PAN3: variants seen among roughly 807,000 people sequenced by gnomAD.
PAN3 encodes the protein PAN2-PAN3 deadenylation complex subunit PAN3.
A neutral mutation model predicts 96.2 loss-of-function variants in PAN3; 19 were observed. The ratio of observed to expected loss-of-function variants is 0.20; its 90% confidence interval spans 0.14 to 0.29. PAN3 has a LOEUF of 0.29. Among genes scored for constraint, PAN3 ranks in the 10% least tolerant of loss-of-function variants. PAN3 has a pLI of 1.00. For synonymous variants in PAN3, 433 were observed against 406.6 expected (o/e 1.06, Z -0.78); for missense variants, 882 against 1,108.1 (o/e 0.80, Z 2.90).
intron 14 of PAN3, among the ~76,000 whole-genome samples, chr13:28,274,580 T>C (rs1886908798): frequency 6.6e-6 from 1 of 151,868 alleles, no homozygotes; most frequent in South Asian, 2.1e-4. Flanking sequence ...GTAGTTACCT[T>C]GAAAAACAAA....
At chr13:28,188,661 T>C (rs756847390) in intron 4 of PAN3, among the ~76,000 whole-genome samples, 6 of 151,996 alleles carry the variant, frequency 3.9e-5, no homozygotes, top group Non-Finnish European at 8.8e-5. Context: ...GATTACACAG[T>C]GATTATGTTT....
At chr13:28,209,047 G>A (rs890434029) in intron 5 of PAN3, among the ~76,000 whole-genome samples, 9 of 152,124 alleles carry the variant, frequency 5.9e-5, no homozygotes, top group African/African-American at 2.2e-4. Context: ...TAACCTATGT[G>A]CATCCTCCAG....
chr13:28,174,953 A>AT (rs1417833193), intron 2 of PAN3, among the ~76,000 whole-genome samples: 1 of 151,884 alleles, frequency 6.6e-6, no homozygotes, highest in East Asian at 1.9e-4. Flanking sequence ...ATGTCTTTGA[A>AT]TTTTTTTTAA....
chr13:28,181,609 TC>T (rs1219069360), intron 4 of PAN3, among the ~76,000 whole-genome samples: 1 of 151,946 alleles, frequency 6.6e-6, no homozygotes, highest in Admixed American at 6.6e-5. Flanking sequence ...GTGAGAAACT[TC>T]CTGAAGAGTT....
At chr13:28,254,907 A>G (rs1348055749) in intron 6 of PAN3, among the ~76,000 whole-genome samples, 1 of 152,146 alleles carries the variant, frequency 6.6e-6, no homozygotes, top group South Asian at 2.1e-4. Flanking sequence ...TGGTGTTTAT[A>G]GCCTGATTTA....
chr13:28,164,886 T>C (rs574124068), intron 1 of PAN3, among the ~76,000 whole-genome samples: 1 of 152,292 alleles, frequency 6.6e-6, no homozygotes, highest in African/African-American at 2.4e-5. Flanking sequence ...TTAATAGTCA[T>C]GGGGTAACTG....
chr13:28,282,668 A>C (rs1868435491), intron 17 of PAN3, among the ~76,000 whole-genome samples: 1 of 152,198 alleles, frequency 6.6e-6, no homozygotes, highest in Non-Finnish European at 1.5e-5. Context: ...CCATGCGGTC[A>C]AAAATAGGTA....
chr13:28,280,036 T>G (rs1887338044), intron 15 of PAN3, among the ~76,000 whole-genome samples: 1 of 152,018 alleles, frequency 6.6e-6, no homozygotes, highest in African/African-American at 2.4e-5. Context: ...TCCACCTGCC[T>G]CGGCCTCCCA....
Position 28,293,415 on chromosome 13 carries a change from T to TTTTTTGG in PAN3, c.*894_*895insTTTTGGT, listed in dbSNP as rs1870004113. The TTTTTTGG allele has an allele frequency of 1.7e-5, 1 of 59,736 alleles. No homozygotes were observed. The highest frequency in any genetic ancestry group is 4.6e-5 in the African/African-American group (1 of 21,844). 3.7% of individuals were successfully genotyped at this position (59,736 alleles called of 1,614,324 possible). On this transcript the variant is annotated 3_prime_UTR_variant, in exon 19 of 19. Coordinates refer to ENST00000380958, the MANE Select transcript of PAN3 (RefSeq NM_175854.8). ...TTTTTTTTTTTTTTTTTTTTTTTTTTTGGGCGGGGGGGAGGTTTATGAAGT... is the reference window on the plus strand; with the variant it reads ...TTTTTTTTTTTTTTTTTTTTTTTTTTTTTTTGGTGGGCGGGGGGGAGGTTTATGAAGT...
rs546881171 is a variant in PAN3, at chr13:28,174,807, A to G, written c.552+414A>G. Among the ~76,000 whole-genome samples, 5 of 152,306 alleles carry G rather than the reference A, an allele frequency of 3.3e-5. No homozygotes were observed. In the South Asian group the frequency reaches 1.0e-3, roughly 32 times the overall value. On this transcript the variant is annotated intron_variant, in intron 2 of 18. Coordinates refer to ENST00000380958, the MANE Select transcript of PAN3 (RefSeq NM_175854.8). ...GTTAACCTTCCTAGAGTTAGCTATC[A>G]TTACTGGTTACAAGTTTCCTGTGTA...
chr13:28,282,600 TGC>T (rs1231541561), intron 17 of PAN3, among the ~76,000 whole-genome samples: 1 of 152,216 alleles, frequency 6.6e-6, no homozygotes, highest in African/African-American at 2.4e-5. Context: ...TGCACGCACG[TGC>T]ACACACACAT....
chr13:28,178,370 G>A (rs1355794005), intron 4 of PAN3, among the ~76,000 whole-genome samples: 1 of 151,874 alleles, frequency 6.6e-6, no homozygotes, highest in East Asian at 1.9e-4. Context: ...TTCATAATGG[G>A]CCCAACAATT....
chr13:28,149,574 T>C (rs1435365656), intron 1 of PAN3, among the ~76,000 whole-genome samples: 1 of 152,154 alleles, frequency 6.6e-6, no homozygotes, highest in Admixed American at 6.5e-5. Context: ...AAAATTATAT[T>C]GTTATTGATT....
intron 7 of PAN3, among the ~76,000 whole-genome samples, chr13:28,259,615 T>A (rs932776394): frequency 1.3e-5 from 2 of 151,854 alleles, no homozygotes; most frequent in African/African-American, 4.8e-5. Context: ...TGTTTATTTT[T>A]ATTTTTTTAA....
intron 1 of PAN3, among the ~76,000 whole-genome samples, chr13:28,155,544 G>A (rs1349733264): frequency 6.6e-6 from 1 of 152,064 alleles, no homozygotes; most frequent in Admixed American, 6.6e-5. Flanking sequence ...AGCTGAGATG[G>A]CACCAGTGCG....
chr13:28,230,814 ACAC>A (rs1396135414), intron 6 of PAN3, among the ~76,000 whole-genome samples: 1 of 152,214 alleles, frequency 6.6e-6, no homozygotes, highest in East Asian at 1.9e-4. Context: ...AAACAACACA[ACAC>A]AATTTATCAC....
chr13:28,177,702 G>A (rs1030608483), intron 3 of PAN3, among the ~76,000 whole-genome samples, 163 bp from the exon 4 acceptor site: 1 of 152,118 alleles, frequency 6.6e-6, no homozygotes, highest in African/African-American at 2.4e-5. Flanking sequence ...TCACCAGTTT[G>A]TGTTTTATTT....
chr13:28,215,412 A>G, intron 5 of PAN3: 1 of 721,830 alleles, frequency 1.4e-6, no homozygotes, highest in Non-Finnish European at 2.6e-6. Context: ...CTTTGAGTGA[A>G]GCTCTTCTTG....
At chr13:28,222,081 A>G (rs1274411119) in intron 6 of PAN3, among the ~76,000 whole-genome samples, 1 of 152,200 alleles carries the variant, frequency 6.6e-6, no homozygotes, top group Non-Finnish European at 1.5e-5. Flanking sequence ...AGAAATAAAC[A>G]TTTTGTTAAC....
Sources: gnomAD v4.1 joint callset for allele counts (sites outside exome capture counted in the v4.1 genomes callset) on GRCh38, gnomAD v4.1.1 for gene constraint, MANE v1.5 for transcripts, NCBI Gene and HGNC (gene_info 2026-07-23, HGNC 2026-07-21) for gene names.